KSR1: variants seen among roughly 807,000 people sequenced by gnomAD.
KSR1 encodes the protein kinase suppressor of ras 1, also known as kinase suppressor of ras.
KSR1 carries 35 observed loss-of-function variants against 92.9 expected under a neutral mutation model. The ratio of observed to expected loss-of-function variants is 0.38; its 90% CI spans 0.29 to 0.50. The LOEUF is 0.50. Among genes scored for constraint, KSR1 ranks in the 20% least tolerant of loss-of-function variants. The probability of loss-of-function intolerance (pLI) is 0.94; values close to 1 mark genes in which losing one functional copy is unlikely to be tolerated. For missense variants in KSR1, 972 were observed against 1,158.5 expected, an observed-to-expected ratio of 0.84 and a Z score of 2.34; for synonymous variants, 467 against 472.6, an observed-to-expected ratio of 0.99 and a Z score of 0.15.
At chr17:27,560,543 C>A (rs2151112699) in intron 2 of KSR1, 3 of 514,278 alleles carry the variant, frequency 5.8e-6, no homozygotes, top group Admixed American at 2.0e-5. Flanking sequence ...TAAGATGAGG[C>A]CTTCTCCCAG....
chr17:27,603,076 G>GC (rs1270890991), intron 11 of KSR1, among the ~76,000 whole-genome samples: 1 of 152,194 alleles, frequency 6.6e-6, no homozygotes, highest in Non-Finnish European at 1.5e-5. Flanking sequence ...GCCGTCCATG[G>GC]CGGCCCTGGG....
Position 27,617,444 on chromosome 17 carries a change from A to G in KSR1, c.2627+16A>G, listed in dbSNP as rs1259651369. 6 of 1,594,288 alleles carry G rather than the reference A, an allele frequency of 3.8e-6. No individual in the cohort carries two copies. The highest frequency in any genetic ancestry group is 5.2e-6 in the Non-Finnish European group (6 of 1,164,222). On this transcript the variant is annotated intron_variant, in intron 19 of 20. Transcript: ENST00000644974. ...AGTCAGCTGAGTAAGTGCCTCTTCC[A>G]TGAGCCAGACTGCCAGCCAGGCCCT...
At position 27,592,379 on chromosome 17, in the gene KSR1, A is replaced by G. The variant is rs759971501; in HGVS notation, c.1149A>G (p.Lys383=). The change falls in exon 8 of 21, where the codon AAA becomes AAG. Residue 383 remains lysine (K), a synonymous_variant. Coordinates refer to ENST00000644974, the MANE Select transcript of KSR1 (RefSeq NM_001394583.1). ...TTACCAGGTTGAAGTGTCACAACAAATGTACCAAAGAAGCCCCTGCCTGTA... is the reference window on the plus strand; with the variant it reads ...TTACCAGGTTGAAGTGTCACAACAAGTGTACCAAAGAAGCCCCTGCCTGTA... ...CKHCRLKCHN[K]CTKEAPACRI... is the part of the protein sequence containing the mutation. The G allele has an allele frequency of 1.2e-6, 2 of 1,613,936 alleles. No individual in the cohort carries two copies. Among genetic ancestry groups the G allele is most frequent in the East Asian group, 2.2e-5 (1 of 44,878 alleles).
intron 1 of KSR1, among the ~76,000 whole-genome samples, chr17:27,464,421 T>C (rs1360082928): frequency 2.0e-5 from 3 of 152,152 alleles, no homozygotes; most frequent in Admixed American, 1.3e-4. Context: ...CCTTAACTTT[T>C]ATGGGGCCTT....
intron 2 of KSR1, chr17:27,560,467 TTTTG>T (rs765412837): frequency 3.9e-6 from 2 of 518,860 alleles, no homozygotes; most frequent in Non-Finnish European, 7.7e-6. Flanking sequence ...GTAAGGGGAT[TTTTG>T]TTGTGATCCT....
In KSR1 at chr17:27,590,820, C is replaced by A. The variant is rs751089747; in HGVS notation, c.1056C>A (p.Thr352=). 1 of 1,610,718 alleles carries A rather than the reference C, an allele frequency of 6.2e-7. No individual in the cohort carries two copies. Among genetic ancestry groups the A allele is most frequent in the South Asian group, 1.1e-5 (1 of 89,942 alleles). ...IGLSVTHRFS[T]KSWLSQVCHV... The stretch of plus-strand genomic sequence containing the variant: ...TGTCCGCCCTCTGCAGGTTCTCCAC[C>A]AAGTCCTGGCTGTCGCAGGTCTGCC... Residue 352 remains threonine (T), a synonymous_variant, in exon 7 of 21, where the codon ACC becomes ACA. Transcript: ENST00000644974.
rs1241940013 is a variant in KSR1, at chr17:27,577,711, G to A, written c.520+72G>A. On this transcript the variant is annotated intron_variant, in intron 3 of 20. Transcript: ENST00000644974. The surrounding 1 kb of genome is among the most constrained non-coding windows in gnomAD (Gnocchi z 4.5). ...GGGGCTGTGGCCTTCACTATGGTGG[G>A]TGATGGAGCGGGGCAAGCGTGGCCC... The A allele has an allele frequency of 3.9e-6, 5 of 1,294,936 alleles. No homozygotes were observed. In the African/African-American group the frequency reaches 5.9e-5, roughly 15 times the overall value. The allele number at this position is 1,294,936 out of a possible 1,614,324, so 80.2% of individuals were successfully genotyped here. A position where few individuals can be genotyped will look rare whatever the true frequency, so the allele number is the denominator to read the frequency against.
intron 2 of KSR1, among the ~76,000 whole-genome samples, chr17:27,568,322 C>A (rs73983472): frequency 4.3e-4 from 65 of 152,218 alleles, no homozygotes; most frequent in Admixed American, 1.3e-3. Context: ...AAAGGACAGA[C>A]CTCACGTGCT....
chr17:27,622,342 G>A, intron 20 of KSR1: 1 of 203,026 alleles, frequency 4.9e-6, no homozygotes, highest in Non-Finnish European at 9.9e-6. Context: ...GCCTCCCACT[G>A]GGTGTGTGCC....
At chr17:27,601,575 G>GGT (rs2073558451) in intron 11 of KSR1, among the ~76,000 whole-genome samples, 174 bp downstream of exon 11, 1 of 152,208 alleles carries the variant, frequency 6.6e-6, no homozygotes, top group South Asian at 2.1e-4. Context: ...CAAGTGCCCT[G>GGT]GTGGTAGGCC....
chr17:27,558,955 A>G (rs1057092487), intron 2 of KSR1, among the ~76,000 whole-genome samples: 7 of 152,096 alleles, frequency 4.6e-5, no homozygotes, highest in African/African-American at 1.7e-4. Flanking sequence ...TCCCTTAGGA[A>G]AACATACGTG....
chr17:27,457,185 G>T (rs2019216095), intron 1 of KSR1, among the ~76,000 whole-genome samples: 1 of 151,800 alleles, frequency 6.6e-6, no homozygotes, highest in African/African-American at 2.4e-5. Context: ...TTGCGGGGCC[G>T]CAGGACTCGT....
At chr17:27,477,243 C>T (rs2068374010) in intron 1 of KSR1, among the ~76,000 whole-genome samples, 2 of 152,210 alleles carry the variant, frequency 1.3e-5, no homozygotes, top group African/African-American at 4.8e-5. Flanking sequence ...GTGTTTTGTG[C>T]TGACCTCCTG....
chr17:27,467,004 G>A (rs1015179540), intron 1 of KSR1, among the ~76,000 whole-genome samples: 2 of 152,210 alleles, frequency 1.3e-5, no homozygotes, highest in Non-Finnish European at 2.9e-5. Flanking sequence ...AGCTTGCTTT[G>A]TGCCTGGCCC....
chr17:27,600,310 G>A (rs1206525093), intron 10 of KSR1, among the ~76,000 whole-genome samples: 2 of 151,752 alleles, frequency 1.3e-5, no homozygotes, highest in East Asian at 3.9e-4. Context: ...TGGTGGGCTG[G>A]GTGCCTGTAA....
chr17:27,496,221 C>G (rs1242844766), intron 1 of KSR1, among the ~76,000 whole-genome samples: 1 of 152,050 alleles, frequency 6.6e-6, no homozygotes, highest in South Asian at 2.1e-4. Flanking sequence ...TTGTGTTTGC[C>G]TAAGGGAGAT....
At chr17:27,497,287 C>T (rs893201119) in intron 1 of KSR1, among the ~76,000 whole-genome samples, 1 of 152,240 alleles carries the variant, frequency 6.6e-6, no homozygotes, top group Non-Finnish European at 1.5e-5. Context: ...GATTGAATAA[C>T]CAGTGCCAGG....
intron 1 of KSR1, among the ~76,000 whole-genome samples, chr17:27,519,415 T>G (rs1185463106): frequency 6.6e-6 from 1 of 152,064 alleles, no homozygotes; most frequent in Non-Finnish European, 1.5e-5. Context: ...TCAGCAATAC[T>G]CCTCCCCACA....
intron 2 of KSR1, chr17:27,560,225 G>A (rs893819951): frequency 5.2e-5 from 18 of 346,272 alleles, no homozygotes; most frequent in Non-Finnish European, 1.0e-4. Flanking sequence ...TTCATATTCT[G>A]GCAGCAGCTG....
Sources: allele counts gnomAD v4.1 joint callset (sites outside exome capture counted in the v4.1 genomes callset), GRCh38; gene constraint gnomAD v4.1.1; non-coding constraint Gnocchi (gnomAD v3.1); transcripts MANE v1.5; gene names NCBI Gene and HGNC (gene_info 2026-07-23, HGNC 2026-07-21).